Variants in DEFB114 observed in about 807,000 individuals in gnomAD.
DEFB114 encodes beta-defensin 114.
A neutral mutation model predicts 2.4 loss-of-function variants in DEFB114; 4 were observed. The ratio of observed to expected loss-of-function variants is 1.67; its 90% confidence interval spans 0.82 to 3.82. The LOEUF (loss-of-function observed/expected upper bound fraction) is 3.82. Ranked by LOEUF, DEFB114 falls within the 30% of genes most tolerant of loss-of-function variation. The pLI is 0.01. For synonymous variants in DEFB114, 35 were observed against 24.6 expected, an observed-to-expected ratio of 1.42 and a Z score of -1.26; for missense variants, 113 against 85.8, an observed-to-expected ratio of 1.32 and a Z score of -1.25.
chr6:49,962,425 G>T (rs541430964), intron 1 of DEFB114, among the ~76,000 whole-genome samples: 233 of 150,128 alleles, frequency 1.6e-3, no homozygotes, highest in African/African-American at 5.6e-3. Flanking sequence ...ATCCATCTTT[G>T]GTTTTCTATT....
rs748018561 is a variant in DEFB114 at position 49,960,349 on chromosome 6, G to A, written c.153C>T (p.Ser51=). ...CAGTGCAGCAAATTTTTCTTGGTAA[G>A]GAACATATGTCTATTTGCTTTTCAC... ...LESEKQIDIC[S]LPRKICCTEK... is the part of the protein sequence containing the mutation. Residue 51 remains serine, a synonymous_variant, in exon 2 of 2, where the codon TCC becomes TCT. Transcript: ENST00000322066. The A allele has an allele frequency of 3.7e-6, 6 of 1,607,072 alleles. No homozygotes were observed. The highest frequency in any genetic ancestry group is 5.1e-6 in the Non-Finnish European group (6 of 1,176,074).
At chr6:49,962,478 T>C (rs1160247497) in intron 1 of DEFB114, among the ~76,000 whole-genome samples, 1 of 150,434 alleles carries the variant, frequency 6.6e-6, no homozygotes, top group East Asian at 1.9e-4. Context: ...ATGTTCTTTA[T>C]ATATTCTAGT....
chr6:49,963,898 T>C (rs1773501301), intron 1 of DEFB114, among the ~76,000 whole-genome samples, 153 bp downstream of exon 1: 2 of 150,192 alleles, frequency 1.3e-5, no homozygotes, highest in South Asian at 2.1e-4. Flanking sequence ...AGTATAATGA[T>C]ATTATCAATG....
At chr6:49,961,041 A>G (rs1158136614) in intron 1 of DEFB114, among the ~76,000 whole-genome samples, 4 of 150,758 alleles carry the variant, frequency 2.7e-5, no homozygotes, top group Non-Finnish European at 4.5e-5. Flanking sequence ...TTTAAAATTA[A>G]TAAGTTCATA....
In DEFB114 at chr6:49,960,332, C is replaced by G. The variant is rs779671398; in HGVS notation, c.170G>C (p.Cys57Ser). Residue 57 changes from cysteine (C) to serine (S), a missense_variant, in exon 2 of 2, where the codon TGC (cysteine) becomes TCC (serine). Coordinates refer to ENST00000322066, the MANE Select transcript of DEFB114 (RefSeq NM_001037499.2). The part of the protein sequence containing the change: ...IDICSLPRKI[C>S]CTEKLYEEDD... ...TTCTTCATACAATTTCTCAGTGCAG[C>G]AAATTTTTCTTGGTAAGGAACATAT... The G allele has an allele frequency of 1.2e-6, 2 of 1,606,614 alleles. No homozygotes were observed. Among genetic ancestry groups the G allele is most frequent in the Admixed American group, 1.7e-5 (1 of 59,218 alleles).
chr6:49,960,590 G>A (rs1420667460), intron 1 of DEFB114, 144 bp from the exon 2 acceptor site: 19 of 719,442 alleles, frequency 2.6e-5, no homozygotes, highest in Non-Finnish European at 3.7e-5. Flanking sequence ...TATACCCCAT[G>A]TATATATAAC....
At chr6:49,963,632 C>A (rs1200466644) in intron 1 of DEFB114, among the ~76,000 whole-genome samples, 2 of 149,592 alleles carry the variant, frequency 1.3e-5, no homozygotes, top group Non-Finnish European at 3.0e-5. Context: ...TTCTAATATC[C>A]ATTTGATCAT....
intron 1 of DEFB114, among the ~76,000 whole-genome samples, chr6:49,962,634 T>C (rs551100986): frequency 2.0e-5 from 3 of 150,498 alleles, no homozygotes; most frequent in Non-Finnish European, 3.0e-5. Flanking sequence ...GAAATACTAC[T>C]ACTTGTATGT....
At chr6:49,962,675 C>T (rs535821268) in intron 1 of DEFB114, among the ~76,000 whole-genome samples, 4 of 150,418 alleles carry the variant, frequency 2.7e-5, no homozygotes, top group Non-Finnish European at 6.0e-5. Flanking sequence ...TTTACATTAA[C>T]TTGCATGCTT....
Position 49,964,067 on chromosome 6 carries a change from C to A in DEFB114, c.39G>T (p.Val13=), listed in dbSNP as rs763483599. ...CTATCTTACCTGGTAGAATGAAGGT[C>A]ACATAACACAGAAAATGGAGATAGT... ...IFYYLHFLCY[V]TFILPATCTL... is the part of the protein sequence containing the mutation. Residue 13 remains valine, a synonymous_variant, in exon 1 of 2, where the codon GTG becomes GTT. Coordinates refer to ENST00000322066, the MANE Select transcript of DEFB114 (RefSeq NM_001037499.2). 1.3e-6 allele frequency: 2 copies of A among 1,587,176 alleles called. No individual in the cohort carries two copies. The highest frequency in any genetic ancestry group is 1.1e-5 in the South Asian group (1 of 87,352).
chr6:49,960,431 A>G lies in DEFB114; in HGVS notation c.71T>C (p.Val24Ala). Reference sequence around the variant, plus strand: ...ACGTTTGGTGCAACGATCAGCATTCACCAAGGTACATGTGGCTACGGTAAA... The same window carrying G: ...ACGTTTGGTGCAACGATCAGCATTCGCCAAGGTACATGTGGCTACGGTAAA... ...TFILPATCTL[V>A]NADRCTKRYG... Residue 24 changes from valine to alanine, a missense_variant, in exon 2 of 2, where the codon GTG becomes GCG. By Grantham distance (64) the Val-to-Ala change is moderately conservative. Coordinates refer to ENST00000322066, the MANE Select transcript of DEFB114 (RefSeq NM_001037499.2). 6.2e-7 allele frequency: 1 copy of G among 1,600,616 alleles called. No homozygotes were observed. Among genetic ancestry groups the G allele is most frequent in the South Asian group, 1.1e-5 (1 of 89,474 alleles).
intron 1 of DEFB114, 142 bp from the exon 2 acceptor site, chr6:49,960,588 A>G (rs965993941): frequency 5.5e-6 from 4 of 723,038 alleles, no homozygotes; most frequent in African/African-American, 1.9e-5. Flanking sequence ...CTTATACCCC[A>G]TGTATATATA....
rs375512510 is a variant in DEFB114 at position 49,963,875 on chromosome 6, G to A, written c.55+176C>T. Among the ~76,000 whole-genome samples, 19 of 149,836 alleles carry A rather than the reference G, an allele frequency of 1.3e-4. No individual in the cohort carries two copies. In the South Asian group the frequency reaches 3.3e-3, roughly 26 times the overall value. On this transcript the variant is annotated intron_variant, in intron 1 of 1. Transcript: ENST00000322066. ...ATCTACATATTTGGAGAATGAGGTG[G>A]GTACAGTACACCAGTATAATGATAT... is the stretch of plus-strand genomic sequence containing the variant.
At chr6:49,960,894 T>G (rs565547118) in intron 1 of DEFB114, among the ~76,000 whole-genome samples, 2 of 150,972 alleles carry the variant, frequency 1.3e-5, no homozygotes, top group Middle Eastern at 3.4e-3. Flanking sequence ...AATTTTAGAG[T>G]TTTGGTACTG....
chr6:49,964,003 T>C (rs201539390), intron 1 of DEFB114, 48 bp downstream of exon 1: 1 of 1,342,122 alleles, frequency 7.5e-7, no homozygotes, highest in African/African-American at 1.5e-5. Context: ...ATTATTTCTA[T>C]TTCTAGTGAG....
At chr6:49,962,791 G>A (rs1218698794) in intron 1 of DEFB114, among the ~76,000 whole-genome samples, 1 of 150,184 alleles carries the variant, frequency 6.7e-6, no homozygotes, top group Non-Finnish European at 1.5e-5. Context: ...ATATGGCTAT[G>A]CAATGGAACC....
intron 1 of DEFB114, among the ~76,000 whole-genome samples, chr6:49,961,005 C>T (rs1163483024): frequency 1.3e-5 from 2 of 150,412 alleles, no homozygotes; most frequent in African/African-American, 4.9e-5. Flanking sequence ...TTTTTACATG[C>T]TTTGTTGATT....
At chr6:49,961,291 T>G (rs1773456087) in intron 1 of DEFB114, among the ~76,000 whole-genome samples, 1 of 150,740 alleles carries the variant, frequency 6.6e-6, no homozygotes, top group South Asian at 2.1e-4. Flanking sequence ...AAGAAATTCT[T>G]GCATAGATTT....
intron 1 of DEFB114, among the ~76,000 whole-genome samples, chr6:49,961,849 A>C (rs910699551): frequency 6.6e-6 from 1 of 150,766 alleles, no homozygotes; most frequent in Non-Finnish European, 1.5e-5. Context: ...CTCATTTTAA[A>C]GCTTTATGTG....
Sources: allele counts gnomAD v4.1 joint callset (sites outside exome capture counted in the v4.1 genomes callset), GRCh38; gene constraint gnomAD v4.1.1; transcripts MANE v1.5; gene names NCBI Gene and HGNC (gene_info 2026-07-23, HGNC 2026-07-21).